CYP3A4: variants seen among roughly 807,000 people sequenced by gnomAD.
CYP3A4 encodes the protein cytochrome P450 3A4.
Under a neutral mutation model 54.9 loss-of-function variants are expected in CYP3A4, and 41 were observed. That is an observed-to-expected ratio of 0.75 (90% CI 0.58 to 0.97). CYP3A4 has a LOEUF of 0.97. Ranked by LOEUF, CYP3A4 falls within the 50% of genes least tolerant of loss-of-function variation. The pLI, the probability that CYP3A4 is intolerant of heterozygous loss-of-function variation, is 0.00. For synonymous variants in CYP3A4, 179 were observed against 205.2 expected (o/e 0.87, Z 1.09); for missense variants, 510 against 597.3 (o/e 0.85, Z 1.52).
chr7:99,763,618 T>C (rs905941938), intron 10 of CYP3A4, among the ~76,000 whole-genome samples: 6 of 152,200 alleles, frequency 3.9e-5, no homozygotes, highest in Admixed American at 2.0e-4. Context: ...CTTAGCATTA[T>C]TGTAGTAATA....
chr7:99,761,271 T>C (rs1334701324), intron 11 of CYP3A4, among the ~76,000 whole-genome samples: 1 of 152,226 alleles, frequency 6.6e-6, no homozygotes, highest in Non-Finnish European at 1.5e-5. Flanking sequence ...GGTGGTGATG[T>C]GTCCACACTA....
chr7:99,773,619 G>A (rs770589790), intron 3 of CYP3A4, among the ~76,000 whole-genome samples: 3 of 152,136 alleles, frequency 2.0e-5, no homozygotes, highest in Non-Finnish European at 4.4e-5. Context: ...GGAAGTGAAG[G>A]CAGAAATAAA....
intron 3 of CYP3A4, among the ~76,000 whole-genome samples, chr7:99,775,564 C>A (rs1480157294): frequency 2.0e-5 from 3 of 152,158 alleles, no homozygotes; most frequent in Admixed American, 2.0e-4. Context: ...TGATGTTTGA[C>A]AAACCTGACA....
In CYP3A4 at chr7:99,778,028, C is replaced by A. The variant is rs1815817451; in HGVS notation, c.218G>T (p.Gly73Val). ...ECHKKYGKVW[G>V]FYDGQQPVLA... is the part of the protein sequence containing the mutation. Reference sequence around the variant, plus strand: ...CAATGGAAGTTTCCAGAATACTCACCCCCACACTTTTCCATACTTTTTATG... The same window carrying A: ...CAATGGAAGTTTCCAGAATACTCACACCCACACTTTTCCATACTTTTTATG... The change falls in exon 3 of 13, where the codon GGC (glycine) becomes GTC (valine). Residue 73 changes from glycine to valine, a missense_variant and splice_region_variant. Gly to Val is a moderately radical substitution (Grantham distance 109). Coordinates refer to ENST00000651514, the MANE Select transcript of CYP3A4 (RefSeq NM_017460.6). The A allele has an allele frequency of 6.2e-7, 1 of 1,612,184 alleles. No individual in the cohort carries two copies. The highest frequency in any genetic ancestry group is 8.5e-7 in the Non-Finnish European group (1 of 1,178,552).
intron 2 of CYP3A4, among the ~76,000 whole-genome samples, chr7:99,778,498 T>G (rs1249903767): frequency 6.6e-6 from 1 of 152,124 alleles, no homozygotes; most frequent in Non-Finnish European, 1.5e-5. Flanking sequence ...TTGTCATCCT[T>G]TTCATTTATT....
chr7:99,764,102 C>G, intron 9 of CYP3A4, 87 bp from the exon 10 acceptor site: 1 of 1,586,196 alleles, frequency 6.3e-7, no homozygotes, highest in South Asian at 1.1e-5. Flanking sequence ...GTGAAGCCCT[C>G]AAATCCCTAA....
At chr7:99,763,744 T>C in intron 10 of CYP3A4, 111 bp downstream of exon 10, 1 of 1,376,938 alleles carries the variant, frequency 7.3e-7, no homozygotes, top group Non-Finnish European at 9.8e-7. Context: ...ATAGAGTCAG[T>C]GAAAGAATCA....
At chr7:99,773,011 C>T (rs748034320) in intron 3 of CYP3A4, among the ~76,000 whole-genome samples, 6 of 152,018 alleles carry the variant, frequency 3.9e-5, no homozygotes, top group Non-Finnish European at 7.4e-5. Flanking sequence ...GGATATTTCC[C>T]ATGCCATTCT....
intron 6 of CYP3A4, chr7:99,769,456 G>T (rs1278400042): frequency 1.9e-5 from 7 of 376,210 alleles, no homozygotes; most frequent in Non-Finnish European, 3.0e-5. Context: ...TACACTCCAT[G>T]CTTAAAACTT....
At chr7:99,761,334 C>A (rs1317955732) in intron 11 of CYP3A4, among the ~76,000 whole-genome samples, 1 of 152,186 alleles carries the variant, frequency 6.6e-6, no homozygotes, top group Non-Finnish European at 1.5e-5. Flanking sequence ...GTTCCTGCCT[C>A]AAGTCACACT....
In CYP3A4 at chr7:99,757,456, CACTG is replaced by C. The variant is rs1815204443; in HGVS notation, c.*673_*676del. 6.6e-6 allele frequency: 1 copy of C among 152,542 alleles called. No homozygotes were observed. The highest frequency in any genetic ancestry group is 1.5e-5 in the Non-Finnish European group (1 of 68,322). The allele number at this position is 152,542 out of a possible 1,614,324, so 9.4% of individuals were successfully genotyped here. ...AACTGCTAGGATTACAGGCGTGAGC[CACTG>C]TGCCTGATCAAAAAAGGCATAATTA... On this transcript the variant is annotated 3_prime_UTR_variant, in exon 13 of 13. Coordinates refer to ENST00000651514, the MANE Select transcript of CYP3A4 (RefSeq NM_017460.6).
intron 9 of CYP3A4, among the ~76,000 whole-genome samples, chr7:99,765,482 TAGATGATAGATAGATAGATA>T (rs1815454373): frequency 1.3e-5 from 2 of 151,622 alleles, no homozygotes; most frequent in Non-Finnish European, 2.9e-5. Flanking sequence ...GATAGATAGA[TAGATGATAGATAGATAGATA>T]GATACATAGC....
Position 99,770,239 on chromosome 7 carries a change from G to C in CYP3A4, c.319-4C>G, listed in dbSNP as rs1352762328. ...TAAATCCCACTGGACCAAAAGGCTA[G>C]AGTTCAAAGCAGAAACATTTTGTCC... is the stretch of plus-strand genomic sequence containing the variant. On this transcript the variant is annotated splice_region_variant and splice_polypyrimidine_tract_variant and intron_variant, in intron 4 of 12. Coordinates refer to ENST00000651514, the MANE Select transcript of CYP3A4 (RefSeq NM_017460.6). 1.2e-6 allele frequency: 2 copies of C among 1,606,714 alleles called. No individual in the cohort carries two copies. Among genetic ancestry groups the C allele is most frequent in the African/African-American group, 1.3e-5 (1 of 74,716 alleles).
In CYP3A4 at chr7:99,770,049, G is replaced by T. The variant is rs1815588515; in HGVS notation, c.432+73C>A. On this transcript the variant is annotated intron_variant, in intron 5 of 12. Transcript: ENST00000651514. ...GGACTACCCCTTGGAAAGGGACTGT[G>T]ATCTTATTTTATACCTGTCCCCACC... The T allele has an allele frequency of 4.5e-6, 7 of 1,547,604 alleles. No homozygotes were observed. The East Asian group carries it at 1.6e-4, about 35-fold the overall frequency.
Position 99,760,935 on chromosome 7 carries a change from G to A in CYP3A4, c.1300C>T (p.Pro434Ser). Residue 434 changes from proline (P) to serine (S), a missense_variant, in exon 12 of 13, where the codon CCC becomes TCC. Pro to Ser is a moderately conservative substitution (Grantham distance 74). Coordinates refer to ENST00000651514, the MANE Select transcript of CYP3A4 (RefSeq NM_017460.6). ...KDNIDPYIYT[P>S]FGSGPRNCIG... is the part of the protein sequence containing the mutation. ...CAGTTTCTGGGTCCACTTCCAAAGGGTGTGTATATGTAAGGATCTATGTTG... is the reference window on the plus strand; with the variant it reads ...CAGTTTCTGGGTCCACTTCCAAAGGATGTGTATATGTAAGGATCTATGTTG... 3 of 1,614,080 alleles carry A rather than the reference G, an allele frequency of 1.9e-6. No individual in the cohort carries two copies. Among genetic ancestry groups the A allele is most frequent in the Non-Finnish European group, 2.5e-6 (3 of 1,179,966 alleles).
At chr7:99,772,819 G>A (rs544771427) in intron 3 of CYP3A4, 130 bp from the exon 4 acceptor site, 1 of 928,672 alleles carries the variant, frequency 1.1e-6, no homozygotes, top group Non-Finnish European at 1.6e-6. Flanking sequence ...GTAATCTTAG[G>A]TTCTAGTTCA....
intron 2 of CYP3A4, among the ~76,000 whole-genome samples, chr7:99,779,693 C>A (rs1815865256): frequency 6.6e-6 from 1 of 152,166 alleles, no homozygotes; most frequent in South Asian, 2.1e-4. Flanking sequence ...TGGGAACCTG[C>A]ATAGAGCAAA....
At chr7:99,782,038 A>C (rs948386502) in intron 1 of CYP3A4, among the ~76,000 whole-genome samples, 1 of 152,224 alleles carries the variant, frequency 6.6e-6, no homozygotes, top group Admixed American at 6.5e-5. Context: ...TTTGCCCCAG[A>C]ACAGTTAGTG....
chr7:99,768,623 C>A, intron 6 of CYP3A4, 121 bp from the exon 7 acceptor site: 1 of 1,572,462 alleles, frequency 6.4e-7, no homozygotes, highest in Non-Finnish European at 8.7e-7. Context: ...ACTTTCAGAT[C>A]TACTAGATCA....
Sources: allele counts gnomAD v4.1 joint callset (sites outside exome capture counted in the v4.1 genomes callset), GRCh38; gene constraint gnomAD v4.1.1; transcripts MANE v1.5; gene names NCBI Gene and HGNC (gene_info 2026-07-23, HGNC 2026-07-21).